Variants in TTLL12 observed in about 807,000 individuals in gnomAD.
TTLL12 encodes the protein tubulin--tyrosine ligase-like protein 12.
A neutral mutation model predicts 79.6 loss-of-function variants in TTLL12; 77 were observed. The ratio of observed to expected loss-of-function variants is 0.97; its 90% CI spans 0.81 to 1.17. The LOEUF is 1.17. Among genes scored for constraint, TTLL12 ranks in the 50% most tolerant of loss-of-function variants. The pLI is 0.00. For missense variants in TTLL12, 969 were observed against 895.9 expected (o/e 1.08, Z -1.04); for synonymous variants, 437 against 376.1 (o/e 1.16, Z -1.87).
At chr22:43,185,671 G>C (rs1049601009) in intron 1 of TTLL12, among the ~76,000 whole-genome samples, 3 of 152,216 alleles carry the variant, frequency 2.0e-5, no homozygotes, top group African/African-American at 7.2e-5. Flanking sequence ...TACTGTGGGA[G>C]CCAGATGGTG....
At chr22:43,180,112 G>C in intron 3 of TTLL12, 112 bp from the exon 4 acceptor site, 1 of 1,321,132 alleles carries the variant, frequency 7.6e-7, no homozygotes, top group African/African-American at 1.5e-5. Context: ...GATCTTGGAG[G>C]CCCTCTCACA....
At chr22:43,168,608 C>T (rs951645375) in intron 13 of TTLL12, among the ~76,000 whole-genome samples, 166 bp downstream of exon 13, 4 of 152,124 alleles carry the variant, frequency 2.6e-5, no homozygotes, top group African/African-American at 4.8e-5. Flanking sequence ...GACTCTGCAC[C>T]GCAGGCACTT....
At chr22:43,181,837 C>G (rs1386887034) in intron 2 of TTLL12, among the ~76,000 whole-genome samples, 1 of 152,204 alleles carries the variant, frequency 6.6e-6, no homozygotes, top group Non-Finnish European at 1.5e-5. Flanking sequence ...TGGGTTTACT[C>G]TTGCACTTGT....
At position 43,187,073 on chromosome 22, in the gene TTLL12, G is replaced by A. The variant is rs1408702306; in HGVS notation, c.-4C>T. ...CGGGACCCCGCTCGGCCTCCATGGC[G>A]CCAGCACCCGCGCCGACTCCAGCGC... On this transcript the variant is annotated 5_prime_UTR_variant, in exon 1 of 14. Transcript: ENST00000216129. 2 of 1,154,752 alleles carry A rather than the reference G, an allele frequency of 1.7e-6. No individual in the cohort carries two copies. The highest frequency in any genetic ancestry group is 1.7e-5 in the African/African-American group (1 of 60,512). 71.5% of individuals were successfully genotyped at this position (1,154,752 alleles called of 1,614,324 possible). A position where few individuals can be genotyped will look rare whatever the true frequency, so the allele number is the denominator to read the frequency against.
In TTLL12 at chr22:43,187,092, C is replaced by A. The variant is rs533504538; in HGVS notation, c.-23G>T. On this transcript the variant is annotated 5_prime_UTR_variant, in exon 1 of 14. Coordinates refer to ENST00000216129, the MANE Select transcript of TTLL12 (RefSeq NM_015140.4). ...CATGGCGCCAGCACCCGCGCCGACT[C>A]CAGCGCCGCCACCGCCGCCGCCGCC... 1 of 1,120,144 alleles carries A rather than the reference C, an allele frequency of 8.9e-7. No homozygotes were observed. The highest frequency in any genetic ancestry group is 4.3e-5 in the South Asian group (1 of 23,288). 69.4% of individuals were successfully genotyped at this position (1,120,144 alleles called of 1,614,324 possible).
rs747521477 is a variant in TTLL12 at position 43,169,971 on chromosome 22, GC to G, written c.1576-404del. 276 of 429,424 alleles carry G rather than the reference GC, an allele frequency of 6.4e-4. 1 individual carries two copies. Among genetic ancestry groups the G allele is most frequent in the Non-Finnish European group, 7.7e-4 (164 of 212,574 alleles). 26.6% of individuals were successfully genotyped at this position (429,424 alleles called of 1,614,324 possible). ...CGAAGGAGGCAGAGCTCAAGACTCCGCCGCGGGACCTGCCTGTGCCCTGGTT... is the reference window on the plus strand; with the variant it reads ...CGAAGGAGGCAGAGCTCAAGACTCCGCGCGGGACCTGCCTGTGCCCTGGTT... On this transcript the variant is annotated intron_variant, in intron 11 of 13. Transcript: ENST00000216129.
intron 9 of TTLL12, 23 bp from the exon 10 acceptor site, chr22:43,172,577 C>T (rs201938118): frequency 1.7e-5 from 27 of 1,613,706 alleles, no homozygotes; most frequent in East Asian, 1.3e-4. Context: ...GGTGCAAGCT[C>T]GCTGGTGGCC....
chr22:43,175,662 C>G (rs1317657507), intron 6 of TTLL12: 1 of 151,986 alleles, frequency 6.6e-6, no homozygotes, highest in East Asian at 1.9e-4. Flanking sequence ...TTTTAACTTT[C>G]AAAGATGAAT....
chr22:43,167,489 T>C lies in TTLL12; in HGVS notation c.*519A>G, dbSNP rs1038613296. ...CCCCTGTCGCATAGAGCCCTGTGGG[T>C]GCAGTGTGGGGCCCCACAGCCGTCC... On this transcript the variant is annotated 3_prime_UTR_variant, in exon 14 of 14. Transcript: ENST00000216129. 1 of 244,090 alleles carries C rather than the reference T, an allele frequency of 4.1e-6. No individual in the cohort carries two copies. Among genetic ancestry groups the C allele is most frequent in the Non-Finnish European group, 8.2e-6 (1 of 121,496 alleles). The allele number at this position is 244,090 out of a possible 1,614,324, so 15.1% of individuals were successfully genotyped here. A position where few individuals can be genotyped will look rare whatever the true frequency, so the allele number is the denominator to read the frequency against.
Position 43,179,766 on chromosome 22 carries a change from T to C in TTLL12, c.707-14A>G, listed in dbSNP as rs370656355. On this transcript the variant is annotated splice_polypyrimidine_tract_variant and intron_variant, in intron 4 of 13. Coordinates refer to ENST00000216129, the MANE Select transcript of TTLL12 (RefSeq NM_015140.4). The stretch of plus-strand genomic sequence containing the variant: ...GGGTCACCTCCTCTGTGCCAAGACA[T>C]GAGTGCCCATCAGAGGGGGTGACGG... The C allele has an allele frequency of 9.0e-6, 14 of 1,557,588 alleles. No individual in the cohort carries two copies. Among genetic ancestry groups the C allele is most frequent in the African/African-American group, 6.8e-5 (5 of 73,052 alleles).
intron 1 of TTLL12, among the ~76,000 whole-genome samples, chr22:43,185,741 G>A (rs1932168346): frequency 6.6e-6 from 1 of 152,214 alleles, no homozygotes; most frequent in African/African-American, 2.4e-5. Flanking sequence ...ACCGCCCGAG[G>A]GAGGGCGTGC....
rs1200066961 is a variant in TTLL12 at position 43,168,896 on chromosome 22, G to T, written c.1661C>A (p.Ala554Asp). 1.9e-5 allele frequency: 31 copies of T among 1,610,792 alleles called. No homozygotes were observed. The highest frequency in any genetic ancestry group is 2.5e-5 in the Non-Finnish European group (30 of 1,178,792). The change falls in exon 13 of 14, where the codon GCC (alanine) becomes GAC (aspartate). Residue 554 changes from alanine (A) to aspartate (D), a missense_variant. Coordinates refer to ENST00000216129, the MANE Select transcript of TTLL12 (RefSeq NM_015140.4). ...GGCCACCTGGAACAGCTCCGTGAAG[G>T]CCCGGAAGATCTCAGCCTGGGGACC... is the stretch of plus-strand genomic sequence containing the variant. ...WTDVQAEIFR[A>D]FTELFQVACA...
chr22:43,170,795 C>T (rs1931745550), intron 11 of TTLL12, among the ~76,000 whole-genome samples: 1 of 152,158 alleles, frequency 6.6e-6, no homozygotes, highest in East Asian at 1.9e-4. Flanking sequence ...TGCCCGTAGT[C>T]CCAGCTACTT....
At chr22:43,178,851 A>G (rs987856811) in intron 5 of TTLL12, among the ~76,000 whole-genome samples, 1 of 152,220 alleles carries the variant, frequency 6.6e-6, no homozygotes, top group Non-Finnish European at 1.5e-5. Context: ...TAAAAACAGA[A>G]CTGTAAAATT....
chr22:43,178,318 G>A (rs1268656090), intron 5 of TTLL12, among the ~76,000 whole-genome samples: 3 of 124,710 alleles, frequency 2.4e-5, no homozygotes, highest in Non-Finnish European at 3.3e-5. Context: ...ACACACGCCC[G>A]CTCTATTTTT....
intron 5 of TTLL12, 25 bp downstream of exon 5, chr22:43,179,594 C>G: frequency 6.4e-7 from 1 of 1,552,412 alleles, no homozygotes; most frequent in Non-Finnish European, 8.7e-7. Context: ...AGCAGACAGG[C>G]CTGGTGGGTG....
In TTLL12 at chr22:43,179,686, G is replaced by T; in HGVS notation, c.773C>A (p.Pro258His). The T allele has an allele frequency of 6.4e-7, 1 of 1,574,308 alleles. No homozygotes were observed. Among genetic ancestry groups the T allele is most frequent in the Non-Finnish European group, 8.6e-7 (1 of 1,161,728 alleles). ...GTCCAGCATGTCGGTGGGGGCCCAG[G>T]GCAGCAGCATGCACTTCCGGATCAG... is the stretch of plus-strand genomic sequence containing the variant. The part of the protein sequence containing the change: ...DPLIRKCMLL[P>H]WAPTDMLDLS... Residue 258 changes from proline to histidine, a missense_variant, in exon 5 of 14, where the codon CCC (proline) becomes CAC (histidine). Pro to His is a moderately conservative substitution (Grantham distance 77, BLOSUM62 -2). Transcript: ENST00000216129.
rs988739141 is a variant in TTLL12 at position 43,179,528 on chromosome 22, C to T, written c.840+91G>A. ...GGTAACTGGCTCAGGGCCTGGCACC[C>T]GGCTGGGGTTTGATAACATTTGGTG... is the stretch of plus-strand genomic sequence containing the variant. On this transcript the variant is annotated intron_variant, in intron 5 of 13. Transcript: ENST00000216129. 1.4e-5 allele frequency: 20 copies of T among 1,430,990 alleles called. No individual in the cohort carries two copies. The African/African-American group carries it at 1.9e-4, about 14-fold the overall frequency. The allele number at this position is 1,430,990 out of a possible 1,614,324, so 88.6% of individuals were successfully genotyped here.
At position 43,167,106 on chromosome 22, in the gene TTLL12, G is replaced by A. The variant is rs1280157381; in HGVS notation, c.*902C>T. ...AGAAAAAGCCAACATTTTGACTGTAGACCCTGGTAGGTGGCATCTGACTTT... is the reference window on the plus strand; with the variant it reads ...AGAAAAAGCCAACATTTTGACTGTAAACCCTGGTAGGTGGCATCTGACTTT... On this transcript the variant is annotated 3_prime_UTR_variant, in exon 14 of 14. Coordinates refer to ENST00000216129, the MANE Select transcript of TTLL12 (RefSeq NM_015140.4). 3 of 485,836 alleles carry A rather than the reference G, an allele frequency of 6.2e-6. No homozygotes were observed. The highest frequency in any genetic ancestry group is 6.0e-5 in the African/African-American group (3 of 50,370). The allele number at this position is 485,836 out of a possible 1,614,324, so 30.1% of individuals were successfully genotyped here.
Sources: allele counts gnomAD v4.1 joint callset (sites outside exome capture counted in the v4.1 genomes callset), GRCh38; gene constraint gnomAD v4.1.1; transcripts MANE v1.5; gene names NCBI Gene and HGNC (gene_info 2026-07-23, HGNC 2026-07-21).